CNTN5: variants seen among roughly 807,000 people sequenced by gnomAD.
CNTN5 encodes the protein contactin-5.
CNTN5 carries 77 observed loss-of-function variants against 129.1 expected under a neutral mutation model. The ratio of observed to expected loss-of-function variants is 0.60; its 90% CI spans 0.50 to 0.72. The LOEUF (loss-of-function observed/expected upper bound fraction) is 0.72. Among genes scored for constraint, CNTN5 ranks in the 30% least tolerant of loss-of-function variants. CNTN5 has a pLI of 0.00. For missense variants in CNTN5, 1,478 were observed against 1,328.8 expected, an observed-to-expected ratio of 1.11 and a Z score of -1.75; for synonymous variants, 509 against 465.6, an observed-to-expected ratio of 1.09 and a Z score of -1.20.
Position 99,069,314 on chromosome 11 carries a change from T to C in CNTN5, c.-210+48044T>C, listed in dbSNP as rs116430561. On this transcript the variant is annotated intron_variant, in intron 1 of 24. Coordinates refer to ENST00000524871, the MANE Select transcript of CNTN5 (RefSeq NM_014361.4). ...GGCCAGGCGAGGGTAATGGGGCCAA[T>C]GAGGGTCAGGTGAACTTTAAGTGGA... Among the ~76,000 whole-genome samples the C allele has an allele frequency of 2.8e-3, 426 of 152,078 alleles. 3 individuals carry two copies. The highest frequency in any genetic ancestry group is 9.8e-3 in the African/African-American group (408 of 41,490).
At chr11:99,584,644 C>T (rs1387843060) in intron 3 of CNTN5, among the ~76,000 whole-genome samples, 1 of 152,136 alleles carries the variant, frequency 6.6e-6, no homozygotes, top group Admixed American at 6.5e-5. Context: ...CCCTTAAATA[C>T]ACATATGTTA....
At chr11:100,225,598 A>G (rs1037361164) in intron 16 of CNTN5, among the ~76,000 whole-genome samples, 3 of 152,056 alleles carry the variant, frequency 2.0e-5, no homozygotes, top group East Asian at 3.9e-4. Flanking sequence ...ATACAGATGT[A>G]TAACTTAATG....
chr11:99,788,360 C>T (rs924880780), intron 3 of CNTN5, among the ~76,000 whole-genome samples: 1 of 151,802 alleles, frequency 6.6e-6, no homozygotes, highest in Non-Finnish European at 1.5e-5. Context: ...CTGTCTTGGG[C>T]AATAAAAGCC....
intron 2 of CNTN5, among the ~76,000 whole-genome samples, chr11:99,540,153 G>A (rs1054336643): frequency 6.6e-6 from 1 of 152,066 alleles, no homozygotes; most frequent in African/African-American, 2.4e-5. Context: ...CAAGATACCT[G>A]TAGAGTAAGA....
chr11:99,694,892 A>G (rs1336409203), intron 3 of CNTN5, among the ~76,000 whole-genome samples: 1 of 152,108 alleles, frequency 6.6e-6, no homozygotes, highest in African/African-American at 2.4e-5. Flanking sequence ...TAGATATCAA[A>G]ATTCCCCATT....
intron 3 of CNTN5, among the ~76,000 whole-genome samples, chr11:99,562,855 T>C (rs551635972): frequency 3.4e-4 from 52 of 152,290 alleles, no homozygotes; most frequent in African/African-American, 1.0e-3. Context: ...ACAATGTACA[T>C]GTTGAGCTTT....
intron 15 of CNTN5, among the ~76,000 whole-genome samples, chr11:100,213,243 A>G (rs1949069862): frequency 6.6e-6 from 1 of 152,200 alleles, no homozygotes. Flanking sequence ...ATAAGCATAT[A>G]TGATAATTGG....
At chr11:99,818,505 C>G (rs1370485354) in intron 3 of CNTN5, among the ~76,000 whole-genome samples, 1 of 152,188 alleles carries the variant, frequency 6.6e-6, no homozygotes, top group Non-Finnish European at 1.5e-5. Flanking sequence ...ATTCTCCCAC[C>G]TCGGCTTCCC....
chr11:99,900,547 A>AT (rs143767332), intron 6 of CNTN5, among the ~76,000 whole-genome samples: 112 of 149,812 alleles, frequency 7.5e-4, no homozygotes, highest in South Asian at 3.2e-3. Flanking sequence ...TCATTCATTA[A>AT]TTTTTTTTTT....
intron 13 of CNTN5, among the ~76,000 whole-genome samples, chr11:100,124,743 G>T (rs1480319738): frequency 6.6e-6 from 1 of 152,076 alleles, no homozygotes; most frequent in South Asian, 2.1e-4. Context: ...ACAAAAGAGA[G>T]TGGGGTCTTG....
intron 3 of CNTN5, among the ~76,000 whole-genome samples, chr11:99,790,699 T>C (rs757673725): frequency 6.6e-6 from 1 of 152,146 alleles, no homozygotes; most frequent in African/African-American, 2.4e-5. Context: ...ATAATGGGAT[T>C]TCTAGGTCAC....
intron 13 of CNTN5, among the ~76,000 whole-genome samples, chr11:100,188,301 G>A (rs866403981): frequency 3.3e-5 from 5 of 152,108 alleles, no homozygotes; most frequent in Middle Eastern, 3.4e-3. Flanking sequence ...AAAATTAGCC[G>A]GGTGTAGCGG....
intron 2 of CNTN5, among the ~76,000 whole-genome samples, chr11:99,363,860 G>T (rs1939280129): frequency 6.6e-6 from 1 of 152,102 alleles, no homozygotes; most frequent in South Asian, 2.1e-4. Flanking sequence ...ATCACTTGCT[G>T]TGTTATCTTG....
At chr11:99,089,306 A>T (rs1866136665) in intron 1 of CNTN5, among the ~76,000 whole-genome samples, 2 of 152,182 alleles carry the variant, frequency 1.3e-5, no homozygotes, top group Non-Finnish European at 2.9e-5. Flanking sequence ...TGTAAATAGC[A>T]TTTATATAGT....
At chr11:100,018,684 A>G (rs1261991846) in intron 9 of CNTN5, among the ~76,000 whole-genome samples, 4 of 151,970 alleles carry the variant, frequency 2.6e-5, no homozygotes, top group African/African-American at 7.2e-5. Context: ...TTAGATAAAT[A>G]CTTATGAGTG....
chr11:100,015,395 G>A (rs143605498), intron 9 of CNTN5, among the ~76,000 whole-genome samples: 1 of 152,210 alleles, frequency 6.6e-6, no homozygotes, highest in Non-Finnish European at 1.5e-5. Context: ...AACAAACTGT[G>A]ATAACTTGCT....
chr11:99,073,373 GGTTTTTTT>G (rs1201308713), intron 1 of CNTN5, among the ~76,000 whole-genome samples: 3 of 87,332 alleles, frequency 3.4e-5, no homozygotes, highest in Non-Finnish European at 7.4e-5. Context: ...TTTATGGTTT[GGTTTTTTT>G]TTTTTTTTTT....
rs146299534 is a variant in CNTN5, at chr11:99,372,853, C to T, written c.-71+47369C>T. Among the ~76,000 whole-genome samples the T allele has an allele frequency of 8.8e-3, 1,337 of 152,238 alleles. 8 individuals carry two copies. The highest frequency in any genetic ancestry group is 0.014 in the Non-Finnish European group (935 of 68,012). Reference sequence around the variant, plus strand: ...TTTTGTTTTGTTTTGTTACCAATTACTTAAAAGGGAAATCAATGTCCAGTG... The same window carrying T: ...TTTTGTTTTGTTTTGTTACCAATTATTTAAAAGGGAAATCAATGTCCAGTG... On this transcript the variant is annotated intron_variant, in intron 2 of 24. Transcript: ENST00000524871.
chr11:100,212,171 TTC>T (rs1357943727), intron 15 of CNTN5, among the ~76,000 whole-genome samples: 3 of 152,184 alleles, frequency 2.0e-5, no homozygotes, highest in East Asian at 1.9e-4. Context: ...ATATTTTACA[TTC>T]TTTTTCTGAA....
Sources: gnomAD v4.1 joint callset for allele counts (sites outside exome capture counted in the v4.1 genomes callset) on GRCh38, gnomAD v4.1.1 for gene constraint, MANE v1.5 for transcripts, NCBI Gene and HGNC (gene_info 2026-07-23, HGNC 2026-07-21) for gene names.